Variants in ZBBX observed in about 807,000 individuals in gnomAD.
ZBBX encodes zinc finger B-box domain containing, also known as zinc finger B-box domain-containing protein 1.
A neutral mutation model predicts 108.5 loss-of-function variants in ZBBX; 101 were observed. The ratio of observed to expected loss-of-function variants is 0.93; its 90% CI spans 0.79 to 1.10. The LOEUF (loss-of-function observed/expected upper bound fraction) is 1.10. ZBBX is among the 50% of genes least tolerant of loss of function. ZBBX has a pLI of 0.00. For missense variants in ZBBX, 1,009 were observed against 941.4 expected, an observed-to-expected ratio of 1.07 and a Z score of -0.94; for synonymous variants, 356 against 323.4, an observed-to-expected ratio of 1.10 and a Z score of -1.08.
Position 167,350,656 on chromosome 3 carries a change from C to A in ZBBX, c.433-141G>T, listed in dbSNP as rs986619981. 6.4e-4 allele frequency: 312 copies of A among 484,134 alleles called. 1 individual carries two copies. In the Middle Eastern group the frequency reaches 0.019, roughly 29 times the overall value. The allele number at this position is 484,134 out of a possible 1,614,324, so 30.0% of individuals were successfully genotyped here. A position where few individuals can be genotyped will look rare whatever the true frequency, so the allele number is the denominator to read the frequency against. On this transcript the variant is annotated intron_variant, in intron 8 of 21. Coordinates refer to ENST00000675490, the MANE Select transcript of ZBBX (RefSeq NM_001199201.2). The stretch of plus-strand genomic sequence containing the variant: ...TATCATCAGAATTGAGAAGCCTGTC[C>A]CAGGCTTCTCAACTAGTCCCTTAAC...
At chr3:167,341,549 C>T (rs917721264) in intron 9 of ZBBX, among the ~76,000 whole-genome samples, 9 of 151,884 alleles carry the variant, frequency 5.9e-5, no homozygotes, top group African/African-American at 2.2e-4. Flanking sequence ...ATTTTCATTA[C>T]ACTACAAAAT....
chr3:167,239,605 A>G (rs548955511), downstream of ZBBX, among the ~76,000 whole-genome samples: 1 of 152,232 alleles, frequency 6.6e-6, no homozygotes, highest in African/African-American at 2.4e-5. Context: ...ACAGTATATA[A>G]TACATATAAC....
chr3:167,248,600 TA>T, intron 20 of ZBBX: 1 of 456,634 alleles, frequency 2.2e-6, no homozygotes, highest in Non-Finnish European at 4.4e-6. Flanking sequence ...AAACAGCCTC[TA>T]AAATACCTTT....
chr3:167,274,394 A>C (rs1162924747), intron 20 of ZBBX, among the ~76,000 whole-genome samples: 1 of 152,166 alleles, frequency 6.6e-6, no homozygotes, highest in African/African-American at 2.4e-5. Flanking sequence ...AACCTCCCTT[A>C]GTTCTCCTCC....
the ZBBX span, among the ~76,000 whole-genome samples, chr3:167,213,736 A>AT: frequency 6.6e-6 from 1 of 152,104 alleles, no homozygotes; most frequent in South Asian, 2.1e-4. Context: ...ACATAATGAG[A>AT]TTTTCCAAGG....
intron 9 of ZBBX, among the ~76,000 whole-genome samples, chr3:167,348,305 A>AAGGAAGGAAGGAAG (rs1560162839): frequency 8.7e-6 from 1 of 115,566 alleles, no homozygotes; most frequent in African/African-American, 3.7e-5. Context: ...GAAGAAAGAG[A>AAGGAAGGAAGGAAG]GAAAGAAAGA....
chr3:167,398,018 A>G (rs930175039), intron 1 of ZBBX, among the ~76,000 whole-genome samples: 6 of 151,968 alleles, frequency 3.9e-5, no homozygotes, highest in African/African-American at 1.4e-4. Context: ...AAATGCACAC[A>G]GTTGGTAGTG....
At chr3:167,286,989 C>A (rs1729824377) in intron 19 of ZBBX, among the ~76,000 whole-genome samples, 1 of 152,036 alleles carries the variant, frequency 6.6e-6, no homozygotes, top group Non-Finnish European at 1.5e-5. Flanking sequence ...AAAGCCATTT[C>A]CTACCTTCTC....
intron 20 of ZBBX, among the ~76,000 whole-genome samples, chr3:167,256,088 T>C (rs1723459069): frequency 6.6e-6 from 1 of 152,142 alleles, no homozygotes; most frequent in Admixed American, 6.6e-5. Flanking sequence ...CTTATTTCAC[T>C]TGACAAAACA....
upstream of ZBBX, among the ~76,000 whole-genome samples, chr3:167,383,964 T>C (rs1029214920): frequency 2.0e-5 from 3 of 152,078 alleles, no homozygotes; most frequent in East Asian, 1.9e-4. Flanking sequence ...GGTTCAAACA[T>C]AGTATATGTG....
At chr3:167,231,968 C>T in the ZBBX span, among the ~76,000 whole-genome samples, 1 of 151,754 alleles carries the variant, frequency 6.6e-6, no homozygotes, top group East Asian at 1.9e-4. Context: ...TTTACTTCTA[C>T]TTTCCAGAGA....
intron 1 of ZBBX, among the ~76,000 whole-genome samples, chr3:167,403,019 A>C (rs1039702615): frequency 3.3e-5 from 5 of 152,198 alleles, no homozygotes; most frequent in African/African-American, 4.8e-5. Context: ...GTCAGAGTAC[A>C]AAAGATCTTG....
intron 10 of ZBBX, 139 bp from the exon 11 acceptor site, chr3:167,328,255 T>A: frequency 1.2e-6 from 1 of 859,844 alleles, no homozygotes; most frequent in Non-Finnish European, 1.7e-6. Flanking sequence ...TTTTTAAACT[T>A]AGAATATTTT....
At chr3:167,401,970 T>A (rs967445508) in intron 1 of ZBBX, among the ~76,000 whole-genome samples, 10 of 152,024 alleles carry the variant, frequency 6.6e-5, no homozygotes, top group African/African-American at 2.4e-4. Flanking sequence ...AGGTGCCCAT[T>A]ATAAGTAAGC....
At chr3:167,374,730 A>C (rs73879689) in intron 2 of ZBBX, among the ~76,000 whole-genome samples, 106 of 152,332 alleles carry the variant, frequency 7.0e-4, no homozygotes, top group African/African-American at 2.3e-3. Flanking sequence ...AAAAGCCATA[A>C]AACAAGGTAA....
At chr3:167,398,077 GA>G (rs1171239002) in intron 1 of ZBBX, among the ~76,000 whole-genome samples, 2 of 150,122 alleles carry the variant, frequency 1.3e-5, no homozygotes. Flanking sequence ...TACAAGATGA[GA>G]AAAAAAAATG....
chr3:167,400,078 ACTACATTT>A (rs746048742), intron 1 of ZBBX, among the ~76,000 whole-genome samples: 2 of 152,162 alleles, frequency 1.3e-5, no homozygotes, highest in African/African-American at 2.4e-5. Context: ...GTGTATATGT[ACTACATTT>A]TCTTTATTCA....
chr3:167,333,317 A>G (rs1333493693), intron 10 of ZBBX, among the ~76,000 whole-genome samples: 1 of 152,256 alleles, frequency 6.6e-6, no homozygotes, highest in Non-Finnish European at 1.5e-5. Flanking sequence ...CAATATGTCT[A>G]TTATAAATAT....
chr3:167,234,553 G>C, the ZBBX span, among the ~76,000 whole-genome samples: 1 of 151,958 alleles, frequency 6.6e-6, no homozygotes, highest in Non-Finnish European at 1.5e-5. Context: ...ATAAGAAACT[G>C]GGTGATTTAA....
Sources: allele counts gnomAD v4.1 joint callset (sites outside exome capture counted in the v4.1 genomes callset), GRCh38; gene constraint gnomAD v4.1.1; transcripts MANE v1.5; gene names NCBI Gene and HGNC (gene_info 2026-07-23, HGNC 2026-07-21).